HIPK2: variants seen among roughly 807,000 people sequenced by gnomAD.
HIPK2 encodes homeodomain interacting protein kinase 2.
A neutral mutation model predicts 113.7 loss-of-function variants in HIPK2; 27 were observed. The observed-to-expected ratio is 0.24, with a 90% CI of 0.17 to 0.33. The LOEUF (loss-of-function observed/expected upper bound fraction) is 0.33, where lower values mean the gene tolerates loss of function less well. HIPK2 is among the 10% of genes least tolerant of loss of function. The probability of loss-of-function intolerance (pLI) is 1.00; values close to 1 mark genes in which losing one functional copy is unlikely to be tolerated. For missense variants in HIPK2, 1,257 were observed against 1,588.0 expected, an observed-to-expected ratio of 0.79 and a Z score of 3.54; for synonymous variants, 631 against 642.2, an observed-to-expected ratio of 0.98 and a Z score of 0.26.
chr7:139,577,315 AC>A (rs1798526554), intron 13 of HIPK2, among the ~76,000 whole-genome samples: 1 of 151,690 alleles, frequency 6.6e-6, no homozygotes, highest in African/African-American at 2.4e-5. Context: ...CGCCTGGCTA[AC>A]TTTTTTGTAT....
chr7:139,744,433 T>C (rs1585448637), intron 1 of HIPK2, among the ~76,000 whole-genome samples: 1 of 151,084 alleles, frequency 6.6e-6, no homozygotes, highest in Non-Finnish European at 1.5e-5. Flanking sequence ...GAATAGGGAG[T>C]GAGTTAACAG....
rs762823202 is a variant in HIPK2 at position 139,584,091 on chromosome 7, G to A, written c.2718-27C>T. On this transcript the variant is annotated intron_variant, in intron 12 of 14. Transcript: ENST00000406875. The stretch of plus-strand genomic sequence containing the variant: ...TGAAAATGCAAAGGGAGAAGTCAGA[G>A]GTGGGAGAAGGCCGTGAGGTGAGAC... 2.6e-6 allele frequency: 4 copies of A among 1,554,368 alleles called. No individual in the cohort carries two copies. The South Asian group carries it at 3.7e-5, about 14-fold the overall frequency.
chr7:139,746,397 G>A (rs1045887369), intron 1 of HIPK2, among the ~76,000 whole-genome samples: 19 of 152,210 alleles, frequency 1.2e-4, no homozygotes, highest in African/African-American at 4.1e-4. Flanking sequence ...TGCTCATCAC[G>A]TATTACCCTG....
At chr7:139,747,375 G>A (rs539999590) in intron 1 of HIPK2, among the ~76,000 whole-genome samples, 104 of 152,284 alleles carry the variant, frequency 6.8e-4, no homozygotes, top group Middle Eastern at 6.8e-3. Flanking sequence ...CACCTTCCTA[G>A]CGTTGGGACT....
intron 6 of HIPK2, among the ~76,000 whole-genome samples, chr7:139,622,069 A>T (rs182618373): frequency 1.9e-4 from 29 of 152,350 alleles, no homozygotes; most frequent in African/African-American, 7.0e-4. Context: ...ACAAACGTGT[A>T]CTACTTCAGT....
At chr7:139,615,911 C>T (rs901108548) in intron 7 of HIPK2, among the ~76,000 whole-genome samples, 1 of 152,082 alleles carries the variant, frequency 6.6e-6, no homozygotes, top group African/African-American at 2.4e-5. Flanking sequence ...GTCGCATAGT[C>T]TGCTTGGGAC....
Position 139,568,522 on chromosome 7 carries a change from C to T in HIPK2, c.*4405G>A, listed in dbSNP as rs17261727. ...CAGTGAGCAGAAGCAAATTGCCCTG[C>T]GGTTCACCAGGCTCCAGTTAAACAC... On this transcript the variant is annotated 3_prime_UTR_variant, in exon 15 of 15. Coordinates refer to ENST00000406875, the MANE Select transcript of HIPK2 (RefSeq NM_022740.5). 4,493 of 152,280 alleles carry T rather than the reference C, an allele frequency of 0.03. 88 individuals are homozygous for T. The highest frequency in any genetic ancestry group is 0.044 in the Admixed American group (666 of 15,300). 9.4% of individuals were successfully genotyped at this position (152,280 alleles called of 1,614,324 possible).
intron 2 of HIPK2, among the ~76,000 whole-genome samples, chr7:139,678,968 T>C (rs1469669077): frequency 1.3e-5 from 2 of 152,206 alleles, no homozygotes; most frequent in Non-Finnish European, 2.9e-5. Flanking sequence ...TGTTTGTCTA[T>C]TATTGGTGTA....
chr7:139,770,325 A>T (rs1796628091), intron 1 of HIPK2, among the ~76,000 whole-genome samples: 1 of 152,192 alleles, frequency 6.6e-6, no homozygotes, highest in South Asian at 2.1e-4. Context: ...CGGCATTATA[A>T]CCCTGTGACT....
At chr7:139,776,130 C>A (rs7795471) in intron 1 of HIPK2, among the ~76,000 whole-genome samples, 1 of 152,172 alleles carries the variant, frequency 6.6e-6, no homozygotes, top group African/African-American at 2.4e-5. Flanking sequence ...ACATGTCCAC[C>A]GGCATGTTCT....
At chr7:139,622,362 T>C (rs1800264931) in intron 6 of HIPK2, among the ~76,000 whole-genome samples, 1 of 152,228 alleles carries the variant, frequency 6.6e-6, no homozygotes, top group Non-Finnish European at 1.5e-5. Flanking sequence ...TTTCAGCTCC[T>C]ACTAAGTACC....
chr7:139,594,990 C>T (rs919507358), intron 12 of HIPK2, among the ~76,000 whole-genome samples: 1 of 152,178 alleles, frequency 6.6e-6, no homozygotes, highest in East Asian at 1.9e-4. Context: ...TCTGGCTTTG[C>T]GTTCCACTCT....
At chr7:139,700,832 C>T (rs1794686199) in intron 2 of HIPK2, among the ~76,000 whole-genome samples, 1 of 152,180 alleles carries the variant, frequency 6.6e-6, no homozygotes, top group African/African-American at 2.4e-5. Flanking sequence ...TCCTCAAACC[C>T]AGAGCGGCCT....
At chr7:139,706,709 C>T in intron 2 of HIPK2, among the ~76,000 whole-genome samples, 1 of 152,222 alleles carries the variant, frequency 6.6e-6, no homozygotes, top group Non-Finnish European at 1.5e-5. Flanking sequence ...AGATCCCCAA[C>T]TCCTCGCAAA....
intron 1 of HIPK2, among the ~76,000 whole-genome samples, chr7:139,754,862 A>C (rs1055580804): frequency 2.0e-5 from 3 of 152,162 alleles, no homozygotes; most frequent in Non-Finnish European, 4.4e-5. Context: ...TATGGAGGAC[A>C]CAGGTGATAC....
chr7:139,655,774 G>A (rs1027917841), intron 2 of HIPK2, among the ~76,000 whole-genome samples: 1 of 152,102 alleles, frequency 6.6e-6, no homozygotes, highest in Non-Finnish European at 1.5e-5. Context: ...TTTAAAGGAA[G>A]GGCACACTCT....
At chr7:139,774,426 C>A (rs187304662) in intron 1 of HIPK2, among the ~76,000 whole-genome samples, 1 of 152,080 alleles carries the variant, frequency 6.6e-6, no homozygotes, top group Non-Finnish European at 1.5e-5. Flanking sequence ...TCAAATGTGG[C>A]GAGAAGAAAA....
In HIPK2 at chr7:139,572,906, T is replaced by TCCCTCCCC; in HGVS notation, c.*20_*21insGGGGAGGG. 1 of 193,756 alleles carries TCCCTCCCC rather than the reference T, an allele frequency of 5.2e-6. No homozygotes were observed. Among genetic ancestry groups the TCCCTCCCC allele is most frequent in the South Asian group, 5.9e-5 (1 of 17,018 alleles). The allele number at this position is 193,756 out of a possible 1,614,324, so 12.0% of individuals were successfully genotyped here. A position where few individuals can be genotyped will look rare whatever the true frequency, so the allele number is the denominator to read the frequency against. On this transcript the variant is annotated 3_prime_UTR_variant, in exon 15 of 15. Coordinates refer to ENST00000406875, the MANE Select transcript of HIPK2 (RefSeq NM_022740.5). ...TCGGGCCATTCTCTCCCTCCCTCCC[T>TCCCTCCCC]CCCTCCCTCCCCTCCAGTGTTTATA... is the stretch of plus-strand genomic sequence containing the variant.
chr7:139,642,337 GA>G (rs1216312226), intron 2 of HIPK2, among the ~76,000 whole-genome samples: 5 of 152,340 alleles, frequency 3.3e-5, no homozygotes, highest in Admixed American at 6.5e-5. Flanking sequence ...CAGGACCCAA[GA>G]AACAGTGGCA....
Sources: gnomAD v4.1 joint callset for allele counts (sites outside exome capture counted in the v4.1 genomes callset) on GRCh38, gnomAD v4.1.1 for gene constraint, MANE v1.5 for transcripts, NCBI Gene and HGNC (gene_info 2026-07-23, HGNC 2026-07-21) for gene names.